GRHL3: variants seen among roughly 807,000 people sequenced by gnomAD.
GRHL3 encodes the protein grainyhead like transcription factor 3.
In GRHL3, 20 loss-of-function variants were observed where a neutral mutation model predicts 70.3. That is an observed-to-expected ratio of 0.28 (90% CI 0.20 to 0.41). The LOEUF (loss-of-function observed/expected upper bound fraction) is 0.41. Ranked by LOEUF, GRHL3 falls within the 10% of genes least tolerant of loss-of-function variation. The pLI is 1.00. For missense variants in GRHL3, 637 were observed against 762.3 expected (o/e 0.84, Z 1.94); for synonymous variants, 299 against 299.9 (o/e 1.00, Z 0.03).
intron 5 of GRHL3, 76 bp from the exon 6 acceptor site, chr1:24,337,560 C>A: frequency 1.4e-6 from 2 of 1,474,866 alleles, no homozygotes; most frequent in South Asian, 2.4e-5. Flanking sequence ...TAGCCTCAGG[C>A]TTCCTGCCCC....
chr1:24,350,228 C>T lies in GRHL3; in HGVS notation c.1694+106C>T. 3 of 877,892 alleles carry T rather than the reference C, an allele frequency of 3.4e-6. No homozygotes were observed. In the South Asian group the frequency reaches 5.2e-5, roughly 15 times the overall value. The allele number at this position is 877,892 out of a possible 1,614,324, so 54.4% of individuals were successfully genotyped here. A position where few individuals can be genotyped will look rare whatever the true frequency, so the allele number is the denominator to read the frequency against. On this transcript the variant is annotated intron_variant, in intron 15 of 15. Coordinates refer to ENST00000361548, the MANE Select transcript of GRHL3 (RefSeq NM_198173.3). ...GGGGATGTGGAGTTGGGGTGGAGAG[C>T]TCCCCAGCCAGGCCAAAGCCACTGG...
chr1:24,343,080 G>T, intron 11 of GRHL3, 55 bp downstream of exon 11: 1 of 1,608,704 alleles, frequency 6.2e-7, no homozygotes, highest in South Asian at 1.1e-5. Context: ...CTGGCTCCTA[G>T]GTGGGGCCTG....
chr1:24,337,464 G>T, intron 5 of GRHL3, 172 bp from the exon 6 acceptor site: 1 of 666,254 alleles, frequency 1.5e-6, no homozygotes, highest in Admixed American at 2.9e-5. Context: ...GCTCAACAAA[G>T]CCATTAAATA....
chr1:24,340,444 A>T (rs12401714), intron 8 of GRHL3, among the ~76,000 whole-genome samples: 1 of 152,096 alleles, frequency 6.6e-6, no homozygotes, highest in South Asian at 2.1e-4. Flanking sequence ...TAGTTAAGCC[A>T]TTAAGATTCT....
chr1:24,319,876 T>C, intron 1 of GRHL3: 1 of 585,594 alleles, frequency 1.7e-6, no homozygotes, highest in Non-Finnish European at 2.7e-6. Context: ...GAAGGGGCCT[T>C]GGAAATCAGA....
chr1:24,360,362 T>C (rs1641024283), intron 15 of GRHL3, among the ~76,000 whole-genome samples: 2 of 152,108 alleles, frequency 1.3e-5, no homozygotes, highest in South Asian at 2.1e-4. Flanking sequence ...GGCATGAGAA[T>C]TGCCTGAACC....
Position 24,319,465 on chromosome 1 carries a change from G to A in GRHL3, c.-87G>A. 2 of 1,336,700 alleles carry A rather than the reference G, an allele frequency of 1.5e-6. No individual in the cohort carries two copies. Among genetic ancestry groups the A allele is most frequent in the South Asian group, 1.2e-5 (1 of 85,596 alleles). 82.8% of individuals were successfully genotyped at this position (1,336,700 alleles called of 1,614,324 possible). A position where few individuals can be genotyped will look rare whatever the true frequency, so the allele number is the denominator to read the frequency against. Reference sequence around the variant, plus strand: ...TCAACATAAATCAAACACTTTCCCGGGCAGAGAATGTCTGTGTCAGGCAAG... The same window carrying A: ...TCAACATAAATCAAACACTTTCCCGAGCAGAGAATGTCTGTGTCAGGCAAG... On this transcript the variant is annotated 5_prime_UTR_variant, in exon 1 of 16. Coordinates refer to ENST00000361548, the MANE Select transcript of GRHL3 (RefSeq NM_198173.3).
downstream of GRHL3, chr1:24,358,105 T>A: frequency 4.9e-6 from 2 of 412,102 alleles, no homozygotes; most frequent in South Asian, 3.5e-5. Context: ...AGTGAGGGAA[T>A]GAATGAATGT....
rs181945790 is a variant in GRHL3, at chr1:24,362,512, A to G, written c.1695-1673A>G. 8.5e-5 allele frequency among the ~76,000 whole-genome samples: 13 copies of G among 152,330 alleles called. No individual in the cohort carries two copies. The East Asian group carries it at 2.5e-3, about 29-fold the overall frequency. On this transcript the variant is annotated intron_variant, in intron 15 of 15. Transcript: ENST00000350501. ...CAGTATACACAGCATTGCAAGGAAC[A>G]ATGACACTAACTTTATAAAGGAGTT... is the stretch of plus-strand genomic sequence containing the variant.
intron 15 of GRHL3, chr1:24,360,776 G>A: frequency 5.3e-6 from 7 of 1,328,064 alleles, no homozygotes; most frequent in Non-Finnish European, 7.2e-6. Flanking sequence ...TAAATCAATG[G>A]CATTTGATGA....
chr1:24,328,865 CAGTGCTA>C (rs1234653656), intron 1 of GRHL3, among the ~76,000 whole-genome samples: 1 of 152,226 alleles, frequency 6.6e-6, no homozygotes, highest in Non-Finnish European at 1.5e-5. Flanking sequence ...AAATGAGGAA[CAGTGCTA>C]AGCACTGGTG....
chr1:24,337,516 T>A, intron 5 of GRHL3, 120 bp from the exon 6 acceptor site: 1 of 1,083,646 alleles, frequency 9.2e-7, no homozygotes, highest in Non-Finnish European at 1.3e-6. Context: ...GGAAGTAAGG[T>A]TATTTTCCAA....
intron 13 of GRHL3, among the ~76,000 whole-genome samples, chr1:24,347,216 C>A (rs1045329208): frequency 6.6e-6 from 1 of 152,186 alleles, no homozygotes; most frequent in African/African-American, 2.4e-5. Context: ...TAAAATCAGG[C>A]TCCGTGATGT....
At chr1:24,337,877 C>T in intron 6 of GRHL3, 88 bp downstream of exon 6, 1 of 1,583,312 alleles carries the variant, frequency 6.3e-7, no homozygotes, top group South Asian at 1.2e-5. Flanking sequence ...TGGGGAAAGG[C>T]TGTTTGATAA....
intron 1 of GRHL3, among the ~76,000 whole-genome samples, chr1:24,327,302 A>G (rs483202): frequency 0.73 from 110,792 of 152,122 alleles, 40,911 homozygotes; most frequent in African/African-American, 0.87. Context: ...TTTATGGTCT[A>G]TCTTCCCCAA....
chr1:24,344,920 C>T lies in GRHL3; in HGVS notation c.1443C>T (p.Ser481=), dbSNP rs1557702225. ...AGGCAGCCCCCTCGGCAGGACCCAG[C>T]AGCTCCAACAGGTATGGAGAGAAAC... ...SGGAAPSAGP[S]SSNRLPLKRT... The change falls in exon 12 of 16, where the codon AGC becomes AGT. Residue 481 remains serine, a synonymous_variant. Transcript: ENST00000361548. 6.2e-7 allele frequency: 1 copy of T among 1,613,610 alleles called. No homozygotes were observed. Among genetic ancestry groups the T allele is most frequent in the Non-Finnish European group, 8.5e-7 (1 of 1,179,712 alleles).
chr1:24,358,946 G>T (rs766030527), downstream of GRHL3, among the ~76,000 whole-genome samples: 5 of 152,224 alleles, frequency 3.3e-5, no homozygotes, highest in Non-Finnish European at 7.3e-5. Flanking sequence ...GCTTCATGGG[G>T]TCTTGTTTTG....
At chr1:24,346,253 G>C (rs760019773) in intron 12 of GRHL3, among the ~76,000 whole-genome samples, 42 of 152,128 alleles carry the variant, frequency 2.8e-4, no homozygotes, top group Non-Finnish European at 6.0e-4. Context: ...GTCTCCTGTG[G>C]CCTCACATCC....
chr1:24,336,443 C>CA (rs1350323172), intron 3 of GRHL3, 39 bp from the exon 4 acceptor site: 2 of 1,404,016 alleles, frequency 1.4e-6, no homozygotes, highest in Non-Finnish European at 1.9e-6. Context: ...CCTTTACCCC[C>CA]AGAGAGAAGT....
Sources: gnomAD v4.1 joint callset for allele counts (sites outside exome capture counted in the v4.1 genomes callset) on GRCh38, gnomAD v4.1.1 for gene constraint, MANE v1.5 for transcripts, NCBI Gene and HGNC (gene_info 2026-07-23, HGNC 2026-07-21) for gene names.